Variants in PLSCR2 observed in about 807,000 individuals in gnomAD.
PLSCR2 encodes the protein phospholipid scramblase 2.
Under a neutral mutation model 25.3 loss-of-function variants are expected in PLSCR2, and 18 were observed. The ratio of observed to expected loss-of-function variants is 0.71; its 90% CI spans 0.49 to 1.06. The LOEUF (loss-of-function observed/expected upper bound fraction) is 1.06. Among genes scored for constraint, PLSCR2 ranks in the 50% least tolerant of loss-of-function variants. The probability of loss-of-function intolerance (pLI) is 0.00; values close to 1 mark genes in which losing one functional copy is unlikely to be tolerated. For missense variants in PLSCR2, 243 were observed against 269.5 expected, an observed-to-expected ratio of 0.90 and a Z score of 0.69; for synonymous variants, 88 against 87.3, an observed-to-expected ratio of 1.01 and a Z score of -0.04.
At chr3:146,477,077 T>C (rs1437781302) in intron 1 of PLSCR2, among the ~76,000 whole-genome samples, 1 of 152,098 alleles carries the variant, frequency 6.6e-6, no homozygotes, top group Non-Finnish European at 1.5e-5. Flanking sequence ...CAAACAGAGG[T>C]CACCAGACAC....
intron 1 of PLSCR2, among the ~76,000 whole-genome samples, chr3:146,487,182 A>G (rs1469396286): frequency 1.3e-5 from 2 of 152,180 alleles, no homozygotes; most frequent in African/African-American, 2.4e-5. Context: ...AATAAGAGCC[A>G]TTTATGATGA....
downstream of PLSCR2, among the ~76,000 whole-genome samples, chr3:146,438,875 G>T (rs1466691807): frequency 6.6e-6 from 1 of 152,080 alleles, no homozygotes; most frequent in Non-Finnish European, 1.5e-5. Flanking sequence ...AGTATCAATG[G>T]TCTTTATAAT....
At chr3:146,405,919 G>T (rs1049997512) in intron 2 of PLSCR2, among the ~76,000 whole-genome samples, 1 of 152,026 alleles carries the variant, frequency 6.6e-6, no homozygotes, top group African/African-American at 2.4e-5. Context: ...ACTTTGTCAG[G>T]GTGTTTCTGG....
chr3:146,434,365 A>G (rs1302371822), intron 8 of PLSCR2, among the ~76,000 whole-genome samples: 1 of 152,174 alleles, frequency 6.6e-6, no homozygotes, highest in Non-Finnish European at 1.5e-5. Flanking sequence ...ACTAGGAAAA[A>G]TATAAAATAT....
intron 1 of PLSCR2, among the ~76,000 whole-genome samples, chr3:146,465,487 T>C (rs183444813): frequency 2.7e-5 from 4 of 148,274 alleles, no homozygotes; most frequent in African/African-American, 1.0e-4. Flanking sequence ...GCCTTTAACA[T>C]AGACAATTAA....
chr3:146,430,747 T>A (rs184042947), downstream of PLSCR2, among the ~76,000 whole-genome samples: 11 of 151,956 alleles, frequency 7.2e-5, no homozygotes, highest in African/African-American at 2.7e-4. Context: ...ACACTTTCAC[T>A]TCCCCCCACC....
upstream of PLSCR2, chr3:146,463,898 A>C: frequency 1.0e-6 from 1 of 974,382 alleles, no homozygotes; most frequent in Non-Finnish European, 1.2e-6. Context: ...TAATATAGTG[A>C]AACTCTTAAG....
chr3:146,410,175 G>A (rs1343075320), intron 2 of PLSCR2, among the ~76,000 whole-genome samples: 1 of 151,978 alleles, frequency 6.6e-6, no homozygotes, highest in African/African-American at 2.4e-5. Flanking sequence ...AATGAGATGT[G>A]TGGGGTAGGG....
intron 8 of PLSCR2, among the ~76,000 whole-genome samples, chr3:146,435,603 AC>A (rs1420570137): frequency 6.6e-6 from 1 of 152,128 alleles, no homozygotes; most frequent in African/African-American, 2.4e-5. Context: ...TCCTTCGCCC[AC>A]TTTTTGATGG....
intron 1 of PLSCR2, among the ~76,000 whole-genome samples, chr3:146,468,061 CTG>C (rs1282147032): frequency 7.2e-5 from 11 of 152,272 alleles, no homozygotes; most frequent in African/African-American, 1.9e-4. Context: ...GCCACTTAAT[CTG>C]TGTTTGTTAA....
intron 1 of PLSCR2, among the ~76,000 whole-genome samples, chr3:146,486,824 C>G (rs75796661): frequency 6.6e-6 from 1 of 152,032 alleles, no homozygotes; most frequent in Non-Finnish European, 1.5e-5. Context: ...TAGGAGGCAG[C>G]GTAACCCTGA....
chr3:146,464,521 A>G (rs915453893), upstream of PLSCR2, among the ~76,000 whole-genome samples: 2 of 152,356 alleles, frequency 1.3e-5, no homozygotes, highest in South Asian at 2.1e-4. Context: ...TAAAAAGTAA[A>G]TTCTAGAAAT....
At chr3:146,468,840 T>C (rs1378543629) in intron 1 of PLSCR2, among the ~76,000 whole-genome samples, 1 of 152,204 alleles carries the variant, frequency 6.6e-6, no homozygotes, top group Non-Finnish European at 1.5e-5. Context: ...ATTCTCCCAA[T>C]GTGCCAAATT....
intron 2 of PLSCR2, among the ~76,000 whole-genome samples, chr3:146,403,960 G>A (rs977042490): frequency 1.3e-5 from 2 of 151,984 alleles, no homozygotes; most frequent in East Asian, 1.9e-4. Flanking sequence ...TCTCCACCTT[G>A]ACTCATTCCG....
chr3:146,456,065 G>C (rs774258539), intron 3 of PLSCR2, among the ~76,000 whole-genome samples: 1 of 152,114 alleles, frequency 6.6e-6, no homozygotes, highest in Non-Finnish European at 1.5e-5. Context: ...GAAAGTAAGA[G>C]ATGAATATTA....
chr3:146,447,234 T>C (rs534789517), intron 6 of PLSCR2, among the ~76,000 whole-genome samples: 1 of 152,284 alleles, frequency 6.6e-6, no homozygotes, highest in East Asian at 1.9e-4. Flanking sequence ...TTCTCTCCTC[T>C]TCCCTCTCCT....
chr3:146,489,252 AACC>A (rs1336239907), intron 1 of PLSCR2, among the ~76,000 whole-genome samples: 2 of 152,086 alleles, frequency 1.3e-5, no homozygotes, highest in African/African-American at 4.8e-5. Flanking sequence ...GGTTGCAGCA[AACC>A]ACCATGGCAC....
At chr3:146,446,335 A>G (rs1159543924) in intron 6 of PLSCR2, among the ~76,000 whole-genome samples, 1 of 152,074 alleles carries the variant, frequency 6.6e-6, no homozygotes, top group Non-Finnish European at 1.5e-5. Flanking sequence ...GGGTGTTTTG[A>G]TCTAAGTTTT....
At chr3:146,441,936 T>C in intron 6 of PLSCR2, 115 bp from the exon 7 acceptor site, 1 of 626,866 alleles carries the variant, frequency 1.6e-6, no homozygotes, top group Non-Finnish European at 2.8e-6. Flanking sequence ...TAAGAAAAAT[T>C]AACTATAATA....
Sources: gnomAD v4.1 joint callset for allele counts (sites outside exome capture counted in the v4.1 genomes callset) on GRCh38, gnomAD v4.1.1 for gene constraint, MANE v1.5 for transcripts, NCBI Gene and HGNC (gene_info 2026-07-23, HGNC 2026-07-21) for gene names.